THSD4: variants seen among roughly 807,000 people sequenced by gnomAD.
The protein encoded by THSD4 is thrombospondin type 1 domain containing 4, also known as thrombospondin type-1 domain-containing protein 4.
Under a neutral mutation model 119.0 loss-of-function variants are expected in THSD4, and 69 were observed. The ratio of observed to expected loss-of-function variants is 0.58; its 90% CI spans 0.48 to 0.71. The LOEUF is 0.71. Ranked by LOEUF, THSD4 falls within the 30% of genes least tolerant of loss-of-function variation. The pLI, the probability that THSD4 is intolerant of heterozygous loss-of-function variation, is 0.00. For synonymous variants in THSD4, 524 were observed against 540.4 expected (o/e 0.97, Z 0.42); for missense variants, 1,393 against 1,391.1 (o/e 1.00, Z -0.02).
At chr15:71,199,094 G>C (rs1486029474) in intron 3 of THSD4, among the ~76,000 whole-genome samples, 1 of 152,126 alleles carries the variant, frequency 6.6e-6, no homozygotes, top group Non-Finnish European at 1.5e-5. Flanking sequence ...TGGCCTCCCT[G>C]GACTCTGCAT....
chr15:71,355,808 T>TA (rs1418006750), intron 6 of THSD4, among the ~76,000 whole-genome samples: 1 of 152,150 alleles, frequency 6.6e-6, no homozygotes, highest in East Asian at 1.9e-4. Context: ...TCTTCACAGG[T>TA]AAAAAATTGA....
At chr15:71,305,693 G>A (rs900479644) in intron 6 of THSD4, among the ~76,000 whole-genome samples, 3 of 152,196 alleles carry the variant, frequency 2.0e-5, no homozygotes, top group African/African-American at 4.8e-5. Context: ...TTCCTAGAAA[G>A]GTTATTCCGG....
At chr15:71,686,218 A>G (rs1000336476) in intron 8 of THSD4, among the ~76,000 whole-genome samples, 29 of 152,204 alleles carry the variant, frequency 1.9e-4, no homozygotes, top group African/African-American at 6.3e-4. Flanking sequence ...CTGAAACTCT[A>G]TACCCATGAT....
intron 7 of THSD4, among the ~76,000 whole-genome samples, chr15:71,579,200 G>A (rs748215776): frequency 6.6e-6 from 1 of 152,116 alleles, no homozygotes; most frequent in Non-Finnish European, 1.5e-5. Context: ...ATAAATTTGG[G>A]GATAAATTGG....
At chr15:71,194,339 G>A (rs2043701589) in intron 3 of THSD4, among the ~76,000 whole-genome samples, 1 of 152,184 alleles carries the variant, frequency 6.6e-6, no homozygotes, top group African/African-American at 2.4e-5. Flanking sequence ...TTGCCACTGA[G>A]TAGAAGTTGC....
chr15:71,208,914 T>G (rs918152053), intron 3 of THSD4, among the ~76,000 whole-genome samples: 1 of 152,156 alleles, frequency 6.6e-6, no homozygotes, highest in African/African-American at 2.4e-5. Context: ...AGGAGGGGGA[T>G]ATCAGGTTTG....
chr15:71,608,265 C>T (rs1248593934), intron 7 of THSD4, among the ~76,000 whole-genome samples: 4 of 148,040 alleles, frequency 2.7e-5, no homozygotes, highest in Non-Finnish European at 4.5e-5. Context: ...CACACACACA[C>T]ACACACACAC....
At chr15:71,321,285 C>G (rs2045264626) in intron 6 of THSD4, among the ~76,000 whole-genome samples, 4 of 152,182 alleles carry the variant, frequency 2.6e-5, no homozygotes, top group Admixed American at 2.6e-4. Flanking sequence ...CCTGTAATCC[C>G]AGCACTTTGG....
chr15:71,335,327 G>C (rs1482018436), intron 6 of THSD4, among the ~76,000 whole-genome samples: 1 of 152,046 alleles, frequency 6.6e-6, no homozygotes, highest in Non-Finnish European at 1.5e-5. Flanking sequence ...CAAGGAAACA[G>C]AATTTCCTAC....
chr15:71,538,997 C>T (rs926106269), intron 7 of THSD4, among the ~76,000 whole-genome samples: 1 of 152,228 alleles, frequency 6.6e-6, no homozygotes, highest in Admixed American at 6.5e-5. Context: ...AGCCTAACTG[C>T]ATGGCTGCCC....
intron 6 of THSD4, among the ~76,000 whole-genome samples, chr15:71,287,820 T>C (rs1301651708): frequency 6.6e-6 from 1 of 152,202 alleles, no homozygotes; most frequent in Non-Finnish European, 1.5e-5. Context: ...GTGCAGCTCT[T>C]CTTGGATTGA....
chr15:71,119,687 G>T (rs1483219439), intron 1 of THSD4, among the ~76,000 whole-genome samples: 1 of 152,210 alleles, frequency 6.6e-6, no homozygotes, highest in East Asian at 1.9e-4. Context: ...AGAAAGACCA[G>T]GGTGGGTTTG....
chr15:71,630,906 T>C (rs951854211), intron 7 of THSD4, among the ~76,000 whole-genome samples: 3 of 152,160 alleles, frequency 2.0e-5, no homozygotes, highest in African/African-American at 7.2e-5. Flanking sequence ...GCCCTGAAGG[T>C]TCTTTGCGGT....
At chr15:71,145,781 T>C (rs141558429) in intron 2 of THSD4, among the ~76,000 whole-genome samples, 44 of 151,984 alleles carry the variant, frequency 2.9e-4, no homozygotes, top group Admixed American at 6.5e-4. Flanking sequence ...ATGGAGTCGA[T>C]CAGTGTCCCT....
intron 7 of THSD4, among the ~76,000 whole-genome samples, chr15:71,447,226 T>G (rs1224925971): frequency 6.8e-6 from 1 of 146,800 alleles, no homozygotes; most frequent in Non-Finnish European, 1.5e-5. Context: ...GTTCAAGGAA[T>G]TCTCCTGCCT....
Position 71,141,485 on chromosome 15 carries a change from A to G in THSD4, c.-43A>G, listed in dbSNP as rs753217043. The G allele has an allele frequency of 3.2e-6, 5 of 1,576,286 alleles. No individual in the cohort carries two copies. In the South Asian group the frequency reaches 3.6e-5, roughly 11 times the overall value. ...AACTCCCAATTGCAGAAAATTGGCA[A>G]CGTCTCTGAAGAGCCCTTGCTTTTG... On this transcript the variant is annotated 5_prime_UTR_variant, in exon 2 of 18. Transcript: ENST00000261862.
At chr15:71,640,089 T>C (rs894933172) in intron 7 of THSD4, among the ~76,000 whole-genome samples, 2 of 152,092 alleles carry the variant, frequency 1.3e-5, no homozygotes, top group Non-Finnish European at 2.9e-5. Flanking sequence ...TTTGCAACTT[T>C]CTTTTTCTTT....
chr15:71,571,804 G>T (rs1013943796), intron 7 of THSD4, among the ~76,000 whole-genome samples: 2 of 152,178 alleles, frequency 1.3e-5, no homozygotes, highest in Admixed American at 6.5e-5. Flanking sequence ...TTGCATCTCT[G>T]TGTGGCCATC....
chr15:71,516,839 C>T (rs975510376), intron 7 of THSD4, among the ~76,000 whole-genome samples: 1 of 152,162 alleles, frequency 6.6e-6, no homozygotes, highest in African/African-American at 2.4e-5. Flanking sequence ...ATATATCTCA[C>T]TTCTCCCTTT....
Sources: gnomAD v4.1 joint callset for allele counts (sites outside exome capture counted in the v4.1 genomes callset) on GRCh38, gnomAD v4.1.1 for gene constraint, MANE v1.5 for transcripts, NCBI Gene and HGNC (gene_info 2026-07-23, HGNC 2026-07-21) for gene names.